The following PIK3C2G variants were observed in gnomAD, a reference collection of about 807,000 sequenced individuals.
PIK3C2G encodes the protein phosphatidylinositol 3-kinase C2 domain-containing subunit gamma.
A neutral mutation model predicts 181.1 loss-of-function variants in PIK3C2G; 168 were observed. That is an observed-to-expected ratio of 0.93 (90% CI 0.82 to 1.05). The LOEUF (loss-of-function observed/expected upper bound fraction) is 1.05. Among genes scored for constraint, PIK3C2G ranks in the 50% least tolerant of loss-of-function variants. The pLI is 0.00. For missense variants in PIK3C2G, 1,869 were observed against 1,732.8 expected, an observed-to-expected ratio of 1.08 and a Z score of -1.40; for synonymous variants, 573 against 592.2, an observed-to-expected ratio of 0.97 and a Z score of 0.47.
intron 18 of PIK3C2G, among the ~76,000 whole-genome samples, chr12:18,483,220 A>T (rs958474395): frequency 6.6e-6 from 1 of 152,080 alleles, no homozygotes; most frequent in African/African-American, 2.4e-5. Flanking sequence ...CATCTCCTTC[A>T]CTGCCCTCAG....
chr12:18,569,265 G>A (rs779088271), intron 29 of PIK3C2G, among the ~76,000 whole-genome samples: 3 of 151,944 alleles, frequency 2.0e-5, no homozygotes, highest in Non-Finnish European at 4.4e-5. Flanking sequence ...GATCAAATCC[G>A]AAGAGAGATA....
chr12:18,484,966 A>G lies in PIK3C2G; in HGVS notation c.2505-3483A>G, dbSNP rs796355333. ...CTCAGCCCAAACAAAGTAGCAAAAT[A>G]TACAAGATGAAGTGGGAAGGGGAAG... On this transcript the variant is annotated intron_variant, in intron 18 of 32. Transcript: ENST00000538779. Among the ~76,000 whole-genome samples, 94 of 152,302 alleles carry G rather than the reference A, an allele frequency of 6.2e-4. 1 individual carries two copies. The highest frequency in any genetic ancestry group is 2.2e-3 in the African/African-American group (91 of 41,566).
the PIK3C2G span, among the ~76,000 whole-genome samples, chr12:18,681,157 G>A: frequency 6.6e-6 from 1 of 151,984 alleles, no homozygotes; most frequent in Non-Finnish European, 1.5e-5. Context: ...CAGTTTAGCT[G>A]TGAGCTCCAC....
At chr12:18,381,912 A>G in intron 14 of PIK3C2G, 32 bp downstream of exon 14, 5 of 1,242,690 alleles carry the variant, frequency 4.0e-6, no homozygotes, top group Non-Finnish European at 5.9e-6. Context: ...TAAAGTACAC[A>G]TGGCAAGTAT....
At chr12:18,589,121 C>T (rs1037387212) in intron 29 of PIK3C2G, among the ~76,000 whole-genome samples, 25 of 151,654 alleles carry the variant, frequency 1.6e-4, no homozygotes, top group African/African-American at 6.0e-4. Flanking sequence ...GAGAGAGGAT[C>T]AGAAAAAATA....
chr12:18,356,305 T>A (rs574419158), intron 11 of PIK3C2G, among the ~76,000 whole-genome samples: 1 of 152,112 alleles, frequency 6.6e-6, no homozygotes. Context: ...ACAGGATTCA[T>A]GAAGGGGTTG....
chr12:18,254,928 G>C (rs904995513), intron 1 of PIK3C2G, among the ~76,000 whole-genome samples: 1 of 151,118 alleles, frequency 6.6e-6, no homozygotes, highest in Non-Finnish European at 1.5e-5. Flanking sequence ...AAAGAAAGAG[G>C]CCTGGGCTCA....
rs565872361 is a variant in PIK3C2G at position 18,494,008 on chromosome 12, G to A, written c.2794-2054G>A. Among the ~76,000 whole-genome samples, 331 of 152,210 alleles carry A rather than the reference G, an allele frequency of 2.2e-3. 1 individual carries two copies. The highest frequency in any genetic ancestry group is 7.6e-3 in the African/African-American group (314 of 41,532). On this transcript the variant is annotated intron_variant, in intron 20 of 32. Coordinates refer to ENST00000538779, the MANE Select transcript of PIK3C2G (RefSeq NM_001288772.2). ...CACTACTTAGGGAAAACAAGCACCA[G>A]GTATTTCATTTACTTACTGGTTTCT... is the stretch of plus-strand genomic sequence containing the variant.
intron 15 of PIK3C2G, among the ~76,000 whole-genome samples, chr12:18,398,938 G>A (rs1311813771): frequency 6.6e-6 from 1 of 152,104 alleles, no homozygotes; most frequent in African/African-American, 2.4e-5. Context: ...GCTCACGCCT[G>A]TAATCCCAGC....
intron 5 of PIK3C2G, 130 bp downstream of exon 5, chr12:18,294,145 C>T (rs1949835144): frequency 1.8e-6 from 1 of 549,518 alleles, no homozygotes; most frequent in African/African-American, 1.9e-5. Context: ...ATTTTACCCC[C>T]TTTGCAGTGA....
the PIK3C2G span, among the ~76,000 whole-genome samples, chr12:18,725,137 A>G: frequency 2.0e-5 from 3 of 152,186 alleles, no homozygotes; most frequent in Non-Finnish European, 2.9e-5. Context: ...AATTACAGAA[A>G]AATGAAAACC....
In PIK3C2G at chr12:18,463,396, T is replaced by C. The variant is rs1469130126; in HGVS notation, c.2505-25053T>C. 3.9e-5 allele frequency among the ~76,000 whole-genome samples: 6 copies of C among 152,158 alleles called. No homozygotes were observed. In the South Asian group the frequency reaches 1.2e-3, roughly 31 times the overall value. On this transcript the variant is annotated intron_variant, in intron 18 of 32. Transcript: ENST00000538779. Reference sequence around the variant, plus strand: ...AGTAAAATTCTGAAAATATAAATTGTTAGACTCCTCTCTGCCATAAAGAAA... The same window carrying C: ...AGTAAAATTCTGAAAATATAAATTGCTAGACTCCTCTCTGCCATAAAGAAA...
At chr12:18,634,131 G>A (rs1216367119) in intron 31 of PIK3C2G, among the ~76,000 whole-genome samples, 2 of 152,144 alleles carry the variant, frequency 1.3e-5, no homozygotes, top group Non-Finnish European at 2.9e-5. Context: ...TCATCGTTCT[G>A]TAGAGACCAG....
chr12:18,593,647 A>C (rs73066300), intron 29 of PIK3C2G, among the ~76,000 whole-genome samples: 4,244 of 151,960 alleles, frequency 0.028, 65 homozygotes, highest in Middle Eastern at 0.055. Flanking sequence ...CTTTGGTCAT[A>C]TAGTAGCTTC....
At chr12:18,271,842 C>T (rs1420451494) in intron 1 of PIK3C2G, among the ~76,000 whole-genome samples, 1 of 152,100 alleles carries the variant, frequency 6.6e-6, no homozygotes, top group Non-Finnish European at 1.5e-5. Flanking sequence ...TGTACAAGTC[C>T]TTCAGTTTCA....
chr12:18,717,248 A>G, the PIK3C2G span, among the ~76,000 whole-genome samples: 3 of 152,156 alleles, frequency 2.0e-5, no homozygotes, highest in African/African-American at 7.2e-5. Flanking sequence ...AAAAAATTAA[A>G]ATAACAAAAA....
intron 24 of PIK3C2G, among the ~76,000 whole-genome samples, chr12:18,529,432 C>A (rs1303562391): frequency 6.6e-6 from 1 of 152,126 alleles, no homozygotes; most frequent in African/African-American, 2.4e-5. Flanking sequence ...ATTTCAGAGC[C>A]TACCAGAGTC....
At chr12:18,245,785 C>T (rs1419625757), upstream of PIK3C2G, among the ~76,000 whole-genome samples, 1 of 152,016 alleles carries the variant, frequency 6.6e-6, no homozygotes, top group Non-Finnish European at 1.5e-5. Flanking sequence ...CACTCTCATG[C>T]TAAAATATTT....
intron 14 of PIK3C2G, among the ~76,000 whole-genome samples, chr12:18,384,700 G>A (rs1464980564): frequency 6.6e-6 from 1 of 152,114 alleles, no homozygotes; most frequent in Non-Finnish European, 1.5e-5. Context: ...GAATTTGAAG[G>A]AAAACTTCAA....
Sources: allele counts gnomAD v4.1 joint callset (sites outside exome capture counted in the v4.1 genomes callset), GRCh38; gene constraint gnomAD v4.1.1; transcripts MANE v1.5; gene names NCBI Gene and HGNC (gene_info 2026-07-23, HGNC 2026-07-21).